The following LSAMP variants were observed in gnomAD, a reference collection of about 807,000 sequenced individuals.
The protein encoded by LSAMP is limbic system associated membrane protein.
In LSAMP, 7 loss-of-function variants were observed where a neutral mutation model predicts 38.6. That is an observed-to-expected ratio of 0.18 (90% CI 0.10 to 0.34). The LOEUF is 0.34. LSAMP is among the 10% of genes least tolerant of loss of function. The pLI is 1.00. For missense variants in LSAMP, 313 were observed against 420.0 expected (o/e 0.75, Z 2.23); for synonymous variants, 154 against 166.8 (o/e 0.92, Z 0.59).
At chr3:116,103,274 TG>T (rs1318103136) in intron 1 of LSAMP, among the ~76,000 whole-genome samples, 1 of 151,994 alleles carries the variant, frequency 6.6e-6, no homozygotes, top group Non-Finnish European at 1.5e-5. Context: ...GAGACCAGCC[TG>T]GGCAACATGG....
intron 1 of LSAMP, among the ~76,000 whole-genome samples, chr3:116,140,274 A>G (rs1264222887): frequency 6.6e-6 from 1 of 151,970 alleles, no homozygotes; most frequent in Non-Finnish European, 1.5e-5. Flanking sequence ...ACTCTAACAA[A>G]CCACCAGGTG....
intron 3 of LSAMP, among the ~76,000 whole-genome samples, chr3:115,896,066 G>C (rs1004642552): frequency 6.6e-6 from 1 of 151,960 alleles, no homozygotes; most frequent in Non-Finnish European, 1.5e-5. Context: ...TGAGCTTTAA[G>C]TTTTTGCATC....
chr3:115,909,990 C>T (rs561066451), intron 3 of LSAMP, among the ~76,000 whole-genome samples: 50 of 152,248 alleles, frequency 3.3e-4, no homozygotes, highest in Admixed American at 1.4e-3. Context: ...AAGTCATTGA[C>T]GCAATGTGCT....
At position 116,213,923 on chromosome 3, in the gene LSAMP, C is replaced by G. The variant is rs535704240; in HGVS notation, c.156-127367G>C. 1.4e-4 allele frequency among the ~76,000 whole-genome samples: 22 copies of G among 152,280 alleles called. No homozygotes were observed. The East Asian group carries it at 3.7e-3, about 25-fold the overall frequency. ...AGTGGCAAGGAGAAATTAAGAGTTA[C>G]TAACCAATGGGCATAAAGTTTCAGT... On this transcript the variant is annotated intron_variant, in intron 1 of 6. Coordinates refer to ENST00000490035, the MANE Select transcript of LSAMP (RefSeq NM_002338.5).
At chr3:116,420,439 T>C (rs115447331) in intron 1 of LSAMP, among the ~76,000 whole-genome samples, 2,471 of 152,204 alleles carry the variant, frequency 0.016, 79 homozygotes, top group African/African-American at 0.057. Flanking sequence ...AGACTATATC[T>C]TATACATCTT....
intron 3 of LSAMP, among the ~76,000 whole-genome samples, chr3:115,898,027 C>T (rs1447024989): frequency 6.6e-6 from 1 of 152,088 alleles, no homozygotes; most frequent in Non-Finnish European, 1.5e-5. Context: ...TCCATGATAT[C>T]CCTCCTGAGG....
chr3:116,005,853 A>T (rs973487581), intron 3 of LSAMP, among the ~76,000 whole-genome samples: 6 of 152,206 alleles, frequency 3.9e-5, no homozygotes, highest in Admixed American at 3.9e-4. Context: ...CTGATAGGCC[A>T]TTCAGACTTT....
At chr3:116,312,351 C>T (rs2047569000) in intron 1 of LSAMP, among the ~76,000 whole-genome samples, 1 of 152,138 alleles carries the variant, frequency 6.6e-6, no homozygotes, top group Admixed American at 6.5e-5. Flanking sequence ...TCTTTCACCT[C>T]TCTAGAGGCT....
intron 6 of LSAMP, among the ~76,000 whole-genome samples, chr3:115,839,027 C>G (rs1190997391): frequency 1.3e-5 from 2 of 152,170 alleles, no homozygotes; most frequent in Admixed American, 1.3e-4. Flanking sequence ...GCTGCCCACA[C>G]AGTGCTTCCG....
intron 1 of LSAMP, among the ~76,000 whole-genome samples, chr3:116,308,658 A>G (rs549474780): frequency 1.5e-4 from 23 of 152,160 alleles, no homozygotes; most frequent in Admixed American, 1.1e-3. Flanking sequence ...AAAACATAAT[A>G]CATGTCCTAA....
chr3:115,861,168 TCC>T, intron 3 of LSAMP, among the ~76,000 whole-genome samples: 1 of 125,352 alleles, frequency 8.0e-6, no homozygotes, highest in Non-Finnish European at 1.7e-5. Context: ...CTTCCTTCCT[TCC>T]TTCCTTCCTT....
chr3:116,371,097 G>T (rs996631743), intron 1 of LSAMP, among the ~76,000 whole-genome samples: 2 of 152,280 alleles, frequency 1.3e-5, no homozygotes, highest in African/African-American at 4.8e-5. Flanking sequence ...CCCAGTAACT[G>T]ATGGCTTCAC....
intron 1 of LSAMP, among the ~76,000 whole-genome samples, chr3:116,392,329 G>C (rs1414920574): frequency 6.6e-6 from 1 of 152,184 alleles, no homozygotes; most frequent in African/African-American, 2.4e-5. Flanking sequence ...AGGCTGGAGG[G>C]TGTCTGCTCC....
At chr3:116,425,360 A>C (rs569949524) in intron 1 of LSAMP, among the ~76,000 whole-genome samples, 1 of 152,198 alleles carries the variant, frequency 6.6e-6, no homozygotes, top group Non-Finnish European at 1.5e-5. Flanking sequence ...CATTCTGTAC[A>C]TACCATTAAA....
At chr3:116,207,808 C>T (rs2046091572) in intron 1 of LSAMP, among the ~76,000 whole-genome samples, 1 of 152,108 alleles carries the variant, frequency 6.6e-6, no homozygotes, top group Non-Finnish European at 1.5e-5. Flanking sequence ...TTGAGGGTAA[C>T]CCGACCTTTC....
intron 1 of LSAMP, among the ~76,000 whole-genome samples, chr3:116,426,770 ACT>A (rs1267948282): frequency 1.3e-5 from 2 of 152,092 alleles, no homozygotes; most frequent in African/African-American, 2.4e-5. Flanking sequence ...ATATTTCCTA[ACT>A]CTGTAACAAC....
At chr3:115,815,803 T>A (rs146230628) in intron 6 of LSAMP, among the ~76,000 whole-genome samples, 69 of 152,290 alleles carry the variant, frequency 4.5e-4, no homozygotes, top group Admixed American at 1.6e-3. Flanking sequence ...CCTCAAATGA[T>A]CCTGTTTCCA....
intron 3 of LSAMP, among the ~76,000 whole-genome samples, chr3:115,912,003 T>C (rs1255861595): frequency 6.6e-6 from 1 of 152,232 alleles, no homozygotes; most frequent in Non-Finnish European, 1.5e-5. Context: ...CTTTTGTCCA[T>C]TTTAAAATTA....
intron 1 of LSAMP, among the ~76,000 whole-genome samples, chr3:116,146,510 G>A (rs1054581703): frequency 6.6e-5 from 10 of 151,788 alleles, no homozygotes; most frequent in Non-Finnish European, 1.0e-4. Context: ...AATATTTGTT[G>A]ACACCTTTTA....
Sources: allele counts gnomAD v4.1 joint callset (sites outside exome capture counted in the v4.1 genomes callset), GRCh38; gene constraint gnomAD v4.1.1; transcripts MANE v1.5; gene names NCBI Gene and HGNC (gene_info 2026-07-23, HGNC 2026-07-21).